The following SUMO2 variants were observed in gnomAD, a reference collection of about 807,000 sequenced individuals.
The protein encoded by SUMO2 is small ubiquitin like modifier 2.
A neutral mutation model predicts 16.0 loss-of-function variants in SUMO2; 1 was observed. The ratio of observed to expected loss-of-function variants is 0.06; its 90% CI spans 0.02 to 0.30. The LOEUF is 0.30. Ranked by LOEUF, SUMO2 falls within the 10% of genes least tolerant of loss-of-function variation. The pLI is 1.00. For synonymous variants in SUMO2, 36 were observed against 40.6 expected (o/e 0.89, Z 0.43); for missense variants, 16 against 117.5 (o/e 0.14, Z 3.99).
chr17:75,169,369 T>C (rs1048914762), intron 3 of SUMO2, among the ~76,000 whole-genome samples: 1 of 151,354 alleles, frequency 6.6e-6, no homozygotes, highest in Admixed American at 6.6e-5. Flanking sequence ...TGACACCCCA[T>C]CCCTATTAAA....
Position 75,168,206 on chromosome 17 carries a change from G to A in SUMO2, c.*133C>T, listed in dbSNP as rs1412096923. The A allele has an allele frequency of 4.5e-6, 3 of 660,772 alleles. No homozygotes were observed. The highest frequency in any genetic ancestry group is 7.3e-6 in the Non-Finnish European group (3 of 411,696). 40.9% of individuals were successfully genotyped at this position (660,772 alleles called of 1,614,324 possible). Reference sequence around the variant, plus strand: ...TGTACAATAAAGGAATGGGGAAGGGGGAAATGAAAGAATAGAGAAAACTAT... The same window carrying A: ...TGTACAATAAAGGAATGGGGAAGGGAGAAATGAAAGAATAGAGAAAACTAT... On this transcript the variant is annotated 3_prime_UTR_variant, in exon 4 of 4. Transcript: ENST00000420826.
At position 75,168,085 on chromosome 17, in the gene SUMO2, C is replaced by T. The variant is rs2074707013; in HGVS notation, c.*254G>A. ...CACAGAATCAGTATTTTTCCCCATC[C>T]CGTCTCCACTTGATGTCAATCAAAA... On this transcript the variant is annotated 3_prime_UTR_variant, in exon 4 of 4. Coordinates refer to ENST00000420826, the MANE Select transcript of SUMO2 (RefSeq NM_006937.4). The T allele has an allele frequency of 6.0e-6, 2 of 330,930 alleles. No individual in the cohort carries two copies. The highest frequency in any genetic ancestry group is 4.9e-5 in the Admixed American group (1 of 20,570). 20.5% of individuals were successfully genotyped at this position (330,930 alleles called of 1,614,324 possible).
chr17:75,172,998 T>C (rs1488162442), intron 3 of SUMO2, among the ~76,000 whole-genome samples: 1 of 152,188 alleles, frequency 6.6e-6, no homozygotes, highest in African/African-American at 2.4e-5. Context: ...TCAGGGGCTT[T>C]TCCAATTTTC....
At chr17:75,182,765 C>T (rs750088010) in intron 1 of SUMO2, 49 bp downstream of exon 1, 1 of 1,296,648 alleles carries the variant, frequency 7.7e-7, no homozygotes, top group Admixed American at 4.0e-5. Context: ...CCGGCCCGCG[C>T]CATGACCCCC....
At chr17:75,170,494 C>T (rs376270538) in intron 3 of SUMO2, among the ~76,000 whole-genome samples, 72 of 151,642 alleles carry the variant, frequency 4.7e-4, no homozygotes, top group African/African-American at 1.5e-3. Context: ...CACTTGAACC[C>T]GTGAAGTGGA....
At chr17:75,182,511 G>A (rs928737203) in intron 1 of SUMO2, 1 of 238,602 alleles carries the variant, frequency 4.2e-6, no homozygotes, top group African/African-American at 2.3e-5. Context: ...GGCCGGCTGG[G>A]CCAAGAATCC....
chr17:75,179,400 C>T (rs753285808), intron 2 of SUMO2, among the ~76,000 whole-genome samples: 10 of 151,790 alleles, frequency 6.6e-5, no homozygotes, highest in African/African-American at 1.9e-4. Flanking sequence ...TGGTGGCGTG[C>T]GCCCGTAGTC....
intron 2 of SUMO2, among the ~76,000 whole-genome samples, chr17:75,175,690 T>C (rs2074777039): frequency 6.7e-6 from 1 of 148,662 alleles, no homozygotes; most frequent in African/African-American, 2.5e-5. Flanking sequence ...TGGAGTGCAG[T>C]GGTGCGATCT....
chr17:75,168,165 T>C lies in SUMO2; in HGVS notation c.*174A>G, dbSNP rs1371004157. ...AAAAAATGCAATATGCTTGTGCACA[T>C]ATACCAGTTACTTTATGTACAATAA... is the stretch of plus-strand genomic sequence containing the variant. On this transcript the variant is annotated 3_prime_UTR_variant, in exon 4 of 4. Transcript: ENST00000420826. 5 of 507,752 alleles carry C rather than the reference T, an allele frequency of 9.8e-6. No individual in the cohort carries two copies. Among genetic ancestry groups the C allele is most frequent in the Non-Finnish European group, 1.7e-5 (5 of 298,582 alleles). The allele number at this position is 507,752 out of a possible 1,614,324, so 31.5% of individuals were successfully genotyped here.
chr17:75,182,661 GA>G, intron 1 of SUMO2, 152 bp downstream of exon 1: 1 of 526,324 alleles, frequency 1.9e-6, no homozygotes, highest in East Asian at 4.6e-5. Flanking sequence ...AGGGAGGGAG[GA>G]AAATGGCGCG....
intron 3 of SUMO2, 89 bp from the exon 4 acceptor site, chr17:75,168,490 C>T: frequency 1.8e-6 from 2 of 1,100,846 alleles, no homozygotes; most frequent in Admixed American, 2.6e-5. Flanking sequence ...AAAACATGTA[C>T]ATGTTCCACT....
At chr17:75,170,565 T>A (rs2074729196) in intron 3 of SUMO2, among the ~76,000 whole-genome samples, 1 of 135,792 alleles carries the variant, frequency 7.4e-6, no homozygotes, top group African/African-American at 2.8e-5. Context: ...CAAGACTCTG[T>A]CTCAAAAAAC....
At chr17:75,171,978 G>A (rs568444038) in intron 3 of SUMO2, among the ~76,000 whole-genome samples, 2 of 150,568 alleles carry the variant, frequency 1.3e-5, no homozygotes, top group Non-Finnish European at 3.0e-5. Context: ...ATAGAATTTA[G>A]CTCCTCCTTG....
intron 1 of SUMO2, among the ~76,000 whole-genome samples, chr17:75,181,811 A>G (rs2074831092): frequency 6.6e-6 from 1 of 152,174 alleles, no homozygotes; most frequent in Admixed American, 6.6e-5. Flanking sequence ...ATTTTCGGTT[A>G]AGAGCACTTA....
At chr17:75,173,476 C>T (rs1051838314) in intron 3 of SUMO2, among the ~76,000 whole-genome samples, 1 of 141,098 alleles carries the variant, frequency 7.1e-6, no homozygotes, top group Non-Finnish European at 1.6e-5. Context: ...GACTGGAAGT[C>T]ATTTTTTTTT....
chr17:75,182,913 C>G lies in SUMO2; in HGVS notation c.-79G>C. 1 of 1,211,546 alleles carries G rather than the reference C, an allele frequency of 8.3e-7. No homozygotes were observed. Among genetic ancestry groups the G allele is most frequent in the Non-Finnish European group, 1.1e-6 (1 of 945,820 alleles). The allele number at this position is 1,211,546 out of a possible 1,614,324, so 75.0% of individuals were successfully genotyped here. On this transcript the variant is annotated 5_prime_UTR_variant, in exon 1 of 4. Coordinates refer to ENST00000420826, the MANE Select transcript of SUMO2 (RefSeq NM_006937.4). Reference sequence around the variant, plus strand: ...GCACCAAACGAGCACACAAGCAGCACCAGGAGCGGCAGAAGAAGGAGGCGG... The same window carrying G: ...GCACCAAACGAGCACACAAGCAGCAGCAGGAGCGGCAGAAGAAGGAGGCGG...
intron 3 of SUMO2, among the ~76,000 whole-genome samples, chr17:75,171,283 C>T (rs767689529): frequency 6.6e-6 from 1 of 151,640 alleles, no homozygotes; most frequent in Non-Finnish European, 1.5e-5. Context: ...CATGCGCCAT[C>T]ATGCCCAGCT....
chr17:75,178,735 A>AT (rs1208952254), intron 2 of SUMO2, among the ~76,000 whole-genome samples: 4 of 150,602 alleles, frequency 2.7e-5, no homozygotes, highest in African/African-American at 7.3e-5. Flanking sequence ...CAACCACCTA[A>AT]TTTTTTTTTA....
At chr17:75,180,441 G>T (rs947975722) in intron 2 of SUMO2, among the ~76,000 whole-genome samples, 1 of 138,022 alleles carries the variant, frequency 7.2e-6, no homozygotes. Flanking sequence ...GGTTTGGCGC[G>T]GTGGCTCATG....
Sources: allele counts gnomAD v4.1 joint callset (sites outside exome capture counted in the v4.1 genomes callset), GRCh38; gene constraint gnomAD v4.1.1; transcripts MANE v1.5; gene names NCBI Gene and HGNC (gene_info 2026-07-23, HGNC 2026-07-21).